BRD10: variants seen among roughly 807,000 people sequenced by gnomAD.
BRD10 encodes bromodomain containing 10.
chr9:5,983,600 A>G, the BRD10 span, among the ~76,000 whole-genome samples: 11 of 152,308 alleles, frequency 7.2e-5, no homozygotes, highest in Non-Finnish European at 1.3e-4. Flanking sequence ...GAGATAAAAA[A>G]TTATATTCAG....
At chr9:5,921,137 G>C in the BRD10 span, 338 of 1,613,904 alleles carry the variant, frequency 2.1e-4, 2 homozygotes, top group South Asian at 1.2e-3. Context: ...ATTACCACTT[G>C]TTGACAATGG....
the BRD10 span, chr9:5,921,516 G>C: frequency 6.2e-7 from 1 of 1,613,884 alleles, no homozygotes; most frequent in Non-Finnish European, 8.5e-7. Context: ...GTCAGCGCAG[G>C]TGTCATATTA....
At chr9:5,990,939 TA>T in the BRD10 span, among the ~76,000 whole-genome samples, 1 of 152,328 alleles carries the variant, frequency 6.6e-6, no homozygotes, top group South Asian at 2.1e-4. Flanking sequence ...TATTGCCTGT[TA>T]TTTTTTAAAA....
the BRD10 span, among the ~76,000 whole-genome samples, chr9:5,900,292 C>G: frequency 3.3e-5 from 5 of 152,112 alleles, no homozygotes; most frequent in Non-Finnish European, 5.9e-5. Context: ...AGGATTAGAT[C>G]AGTGGTTTGT....
chr9:5,950,342 T>C, the BRD10 span, among the ~76,000 whole-genome samples: 2 of 152,188 alleles, frequency 1.3e-5, no homozygotes, highest in South Asian at 2.1e-4. Flanking sequence ...TAAAAATGGC[T>C]AAAACAGTAA....
chr9:5,962,411 A>C, the BRD10 span, among the ~76,000 whole-genome samples: 1 of 107,674 alleles, frequency 9.3e-6, no homozygotes, highest in African/African-American at 3.6e-5. Flanking sequence ...TTGTGGCAAT[A>C]ATCAATAGTT....
the BRD10 span, chr9:6,007,322 C>T: frequency 6.2e-7 from 1 of 1,613,824 alleles, no homozygotes; most frequent in Admixed American, 1.7e-5. Flanking sequence ...GCCACGAACT[C>T]GGTGATGCCC....
At chr9:5,925,294 G>C in the BRD10 span, among the ~76,000 whole-genome samples, 1 of 150,760 alleles carries the variant, frequency 6.6e-6, no homozygotes, top group African/African-American at 2.4e-5. Flanking sequence ...AGGAGGTGGA[G>C]GTTGCAGTGA....
At chr9:5,880,441 G>A in the BRD10 span, among the ~76,000 whole-genome samples, 1 of 150,152 alleles carries the variant, frequency 6.7e-6, no homozygotes, top group African/African-American at 2.5e-5. Context: ...TTCAACCTGG[G>A]AGACGGAGGT....
the BRD10 span, among the ~76,000 whole-genome samples, chr9:5,880,508 T>C: frequency 6.6e-6 from 1 of 151,844 alleles, no homozygotes; most frequent in Non-Finnish European, 1.5e-5. Flanking sequence ...AGTGAGACTC[T>C]GTCTCAAACA....
the BRD10 span, chr9:5,968,673 T>C: frequency 3.1e-6 from 5 of 1,613,864 alleles, no homozygotes; most frequent in Non-Finnish European, 4.2e-6. Context: ...TCTCCATTAC[T>C]TGTACTAACA....
chr9:5,950,540 T>A, the BRD10 span, among the ~76,000 whole-genome samples: 1 of 152,202 alleles, frequency 6.6e-6, no homozygotes, highest in Non-Finnish European at 1.5e-5. Flanking sequence ...ACTATGCAGA[T>A]TACTGGTACC....
At chr9:5,964,821 C>T in the BRD10 span, among the ~76,000 whole-genome samples, 1 of 115,610 alleles carries the variant, frequency 8.6e-6, no homozygotes, top group African/African-American at 3.3e-5. Flanking sequence ...AAACCAAACA[C>T]CGCATATTCT....
At chr9:5,920,125 T>C in the BRD10 span, 10 of 1,613,900 alleles carry the variant, frequency 6.2e-6, no homozygotes, top group Middle Eastern at 1.6e-4. Context: ...TTAGAGGATG[T>C]TGTAGAGGTT....
the BRD10 span, among the ~76,000 whole-genome samples, chr9:5,933,354 TTTTC>T: frequency 6.6e-6 from 1 of 152,212 alleles, no homozygotes; most frequent in Non-Finnish European, 1.5e-5. Context: ...CAAGCAGTAT[TTTTC>T]TTTTATGAAT....
At chr9:5,898,970 C>G in the BRD10 span, 1 of 152,182 alleles carries the variant, frequency 6.6e-6, no homozygotes, top group Non-Finnish European at 1.5e-5. Flanking sequence ...AACACAATTA[C>G]ACAATCCAAT....
chr9:5,912,390 T>C, the BRD10 span, among the ~76,000 whole-genome samples: 1 of 152,060 alleles, frequency 6.6e-6, no homozygotes, highest in African/African-American at 2.4e-5. Flanking sequence ...CTAGGACTTC[T>C]ACTATGTCAC....
At chr9:6,005,498 C>CAA in the BRD10 span, among the ~76,000 whole-genome samples, 6 of 152,148 alleles carry the variant, frequency 3.9e-5, no homozygotes, top group Admixed American at 3.9e-4. Context: ...GAGGGAGACT[C>CAA]AGAGAAAATA....
the BRD10 span, chr9:5,920,018 G>C: frequency 3.7e-6 from 6 of 1,613,882 alleles, no homozygotes; most frequent in South Asian, 1.1e-5. Flanking sequence ...AGGTGGAACA[G>C]GAACCTTAGC....
Sources: gnomAD v4.1 joint callset for allele counts (sites outside exome capture counted in the v4.1 genomes callset) on GRCh38, gnomAD v4.1.1 for gene constraint, MANE v1.5 for transcripts, NCBI Gene and HGNC (gene_info 2026-07-23, HGNC 2026-07-21) for gene names.